TRPM3: variants seen among roughly 807,000 people sequenced by gnomAD.
TRPM3 encodes the protein long transient receptor potential channel 3.
TRPM3 carries 77 observed loss-of-function variants against 181.2 expected under a neutral mutation model. That is an observed-to-expected ratio of 0.42 (90% CI 0.35 to 0.51). The LOEUF (loss-of-function observed/expected upper bound fraction) is 0.51, where lower values mean the gene tolerates loss of function less well. Ranked by LOEUF, TRPM3 falls within the 20% of genes least tolerant of loss-of-function variation. The pLI is 0.01. For synonymous variants in TRPM3, 745 were observed against 796.4 expected (o/e 0.94, Z 1.09); for missense variants, 1,759 against 2,196.7 (o/e 0.80, Z 3.98).
At chr9:70,832,423 C>G (rs1024995382) in intron 5 of TRPM3, among the ~76,000 whole-genome samples, 1 of 152,084 alleles carries the variant, frequency 6.6e-6, no homozygotes, top group Non-Finnish European at 1.5e-5. Context: ...TCTTTCTTGT[C>G]CCTTAAGAGT....
chr9:70,888,359 T>C, intron 1 of TRPM3, among the ~76,000 whole-genome samples: 1 of 104,582 alleles, frequency 9.6e-6, no homozygotes, highest in East Asian at 2.7e-4. Flanking sequence ...GCTTTTATTT[T>C]GGGGTGTGTG....
intron 1 of TRPM3, among the ~76,000 whole-genome samples, chr9:71,212,854 T>C (rs2079593349): frequency 1.3e-5 from 2 of 151,930 alleles, no homozygotes; most frequent in African/African-American, 2.4e-5. Context: ...AGCTTTACTA[T>C]GTATGTATGT....
chr9:70,841,683 T>G (rs2094673674), intron 5 of TRPM3, among the ~76,000 whole-genome samples: 1 of 143,604 alleles, frequency 7.0e-6, no homozygotes, highest in South Asian at 2.1e-4. Context: ...TATGTATATA[T>G]AGATATATCC....
In TRPM3 at chr9:71,282,199, TGAAA is replaced by T. The variant is rs925307345; in HGVS notation, c.183+164450_183+164453del. Among the ~76,000 whole-genome samples, 9 of 14,180 alleles carry T rather than the reference TGAAA, an allele frequency of 6.3e-4. 1 individual carries two copies. Among genetic ancestry groups the T allele is most frequent in the South Asian group, 1.9e-3 (1 of 514 alleles). 9.3% of individuals were successfully genotyped at this position (14,180 alleles called of 152,430 possible). A position where few individuals can be genotyped will look rare whatever the true frequency, so the allele number is the denominator to read the frequency against. On this transcript the variant is annotated intron_variant, in intron 1 of 24. Transcript: ENST00000357533. ...AGAAAGAAAGAAAGGAAAGAAAGAA[TGAAA>T]GAAAGAAAGAAAGGAAAGAAAGAAA...
intron 1 of TRPM3, among the ~76,000 whole-genome samples, chr9:71,267,285 A>C (rs2083455378): frequency 6.6e-6 from 1 of 152,182 alleles, no homozygotes; most frequent in Non-Finnish European, 1.5e-5. Flanking sequence ...ATATTACCTT[A>C]TGACAATTAT....
intron 1 of TRPM3, among the ~76,000 whole-genome samples, chr9:71,254,209 C>T (rs370877337): frequency 3.9e-5 from 6 of 152,240 alleles, no homozygotes; most frequent in East Asian, 1.9e-4. Flanking sequence ...AGAGCCACTG[C>T]GCCTGGCTGG....
chr9:71,408,947 A>G (rs549980602), intron 1 of TRPM3, among the ~76,000 whole-genome samples: 1 of 152,312 alleles, frequency 6.6e-6, no homozygotes, highest in South Asian at 2.1e-4. Context: ...GGGGGCCAAT[A>G]TTCAATATTC....
chr9:71,321,150 G>C (rs565192485), intron 1 of TRPM3, among the ~76,000 whole-genome samples: 9 of 152,002 alleles, frequency 5.9e-5, no homozygotes, highest in Middle Eastern at 3.2e-3. Context: ...GAGCCAGAAG[G>C]ATCTTTCAAA....
At chr9:70,813,446 T>C (rs949914998) in intron 6 of TRPM3, among the ~76,000 whole-genome samples, 1 of 152,126 alleles carries the variant, frequency 6.6e-6, no homozygotes, top group African/African-American at 2.4e-5. Context: ...AAATTCTCAC[T>C]TATAAGTGGG....
chr9:70,944,259 C>G (rs966464091), intron 1 of TRPM3, among the ~76,000 whole-genome samples: 1 of 152,152 alleles, frequency 6.6e-6, no homozygotes, highest in African/African-American at 2.4e-5. Flanking sequence ...AATGACCACC[C>G]TGCTTGAACA....
intron 7 of TRPM3, among the ~76,000 whole-genome samples, chr9:70,769,958 T>G (rs1564200877): frequency 6.6e-6 from 1 of 152,216 alleles, no homozygotes; most frequent in African/African-American, 2.4e-5. Flanking sequence ...TGGGATGTAC[T>G]TCAAGCCTAT....
chr9:71,192,215 G>C lies in TRPM3; in HGVS notation c.183+254438C>G, dbSNP rs528571468. Among the ~76,000 whole-genome samples, 3 of 151,840 alleles carry C rather than the reference G, an allele frequency of 2.0e-5. No individual in the cohort carries two copies. In the South Asian group the frequency reaches 6.2e-4, roughly 32 times the overall value. The stretch of plus-strand genomic sequence containing the variant: ...TCTTCCAAATCTAGGCTTTTGAAGA[G>C]GGGAGATTTGGGAATTTGAATCAAT... On this transcript the variant is annotated intron_variant, in intron 1 of 24. Transcript: ENST00000357533.
intron 1 of TRPM3, among the ~76,000 whole-genome samples, chr9:71,261,487 A>G (rs550968002): frequency 6.6e-6 from 1 of 152,182 alleles, no homozygotes; most frequent in Admixed American, 6.5e-5. Context: ...CATTACCCAC[A>G]TTCTGAAGCC....
chr9:71,375,178 G>A (rs1423401538), intron 1 of TRPM3, among the ~76,000 whole-genome samples: 1 of 152,044 alleles, frequency 6.6e-6, no homozygotes, highest in African/African-American at 2.4e-5. Context: ...AGGACACATA[G>A]ACCATTGGAA....
At chr9:71,245,782 A>G (rs1280377778) in intron 1 of TRPM3, among the ~76,000 whole-genome samples, 1 of 152,220 alleles carries the variant, frequency 6.6e-6, no homozygotes, top group Non-Finnish European at 1.5e-5. Flanking sequence ...TTGAATGTGG[A>G]TAACTAAAGG....
intron 1 of TRPM3, among the ~76,000 whole-genome samples, chr9:71,086,561 C>A (rs2065297875): frequency 6.6e-6 from 1 of 151,954 alleles, no homozygotes; most frequent in African/African-American, 2.4e-5. Flanking sequence ...CAAAGACCTG[C>A]ATATCCTGTC....
chr9:71,006,251 A>G (rs2134296538), intron 1 of TRPM3, among the ~76,000 whole-genome samples: 2 of 152,320 alleles, frequency 1.3e-5, no homozygotes, highest in East Asian at 3.9e-4. Context: ...TAACTACATC[A>G]GAAAATGGTA....
chr9:70,555,726 G>A (rs1266010417), intron 22 of TRPM3, among the ~76,000 whole-genome samples: 5 of 152,108 alleles, frequency 3.3e-5, no homozygotes, highest in African/African-American at 1.2e-4. Flanking sequence ...CCATTGCTTT[G>A]TTTTTCTCTC....
At chr9:71,140,838 T>C (rs562707051) in intron 1 of TRPM3, among the ~76,000 whole-genome samples, 11 of 152,166 alleles carry the variant, frequency 7.2e-5, no homozygotes, top group Non-Finnish European at 1.6e-4. Context: ...AGCACAATAA[T>C]ATAAACATAA....
Sources: allele counts gnomAD v4.1 joint callset (sites outside exome capture counted in the v4.1 genomes callset), GRCh38; gene constraint gnomAD v4.1.1; transcripts MANE v1.5; gene names NCBI Gene and HGNC (gene_info 2026-07-23, HGNC 2026-07-21).